Variants in EGFLAM observed in about 807,000 individuals in gnomAD.
The protein encoded by EGFLAM is pikachurin.
EGFLAM carries 79 observed loss-of-function variants against 113.1 expected under a neutral mutation model. That is an observed-to-expected ratio of 0.70 (90% CI 0.58 to 0.84). The LOEUF is 0.84. EGFLAM is among the 40% of genes least tolerant of loss of function. The pLI, the probability that EGFLAM is intolerant of heterozygous loss-of-function variation, is 0.00. For missense variants in EGFLAM, 1,265 were observed against 1,291.6 expected (o/e 0.98, Z 0.32); for synonymous variants, 504 against 487.6 (o/e 1.03, Z -0.44).
intron 2 of EGFLAM, among the ~76,000 whole-genome samples, chr5:38,338,084 C>T (rs1381875623): frequency 3.3e-5 from 5 of 152,136 alleles, no homozygotes; most frequent in South Asian, 4.1e-4. Flanking sequence ...ATCATTTCAC[C>T]AAAATGTTTT....
At chr5:38,299,641 A>G (rs1463749388) in intron 1 of EGFLAM, among the ~76,000 whole-genome samples, 2 of 152,044 alleles carry the variant, frequency 1.3e-5, no homozygotes, top group African/African-American at 2.4e-5. Context: ...GGGTTTTGAG[A>G]TGGTATTAAA....
intron 14 of EGFLAM, chr5:38,430,027 TC>T: frequency 4.5e-6 from 1 of 223,054 alleles, no homozygotes; most frequent in South Asian, 7.6e-5. Context: ...AACAGTTTTG[TC>T]CAAGGGGATA....
At chr5:38,315,609 A>T (rs958159615) in intron 1 of EGFLAM, among the ~76,000 whole-genome samples, 20 of 152,180 alleles carry the variant, frequency 1.3e-4, no homozygotes, top group Admixed American at 1.3e-3. Context: ...CTCCCCAACA[A>T]GAGAGAGCAC....
intron 1 of EGFLAM, among the ~76,000 whole-genome samples, chr5:38,303,020 C>G (rs1758633811): frequency 6.6e-6 from 1 of 152,150 alleles, no homozygotes; most frequent in Non-Finnish European, 1.5e-5. Flanking sequence ...GTTTGTGCAG[C>G]TGCTTGTGAG....
At position 38,412,634 on chromosome 5, in the gene EGFLAM, A is replaced by T; in HGVS notation, c.1480A>T (p.Thr494Ser). 1 of 1,614,082 alleles carries T rather than the reference A, an allele frequency of 6.2e-7. No individual in the cohort carries two copies. The highest frequency in any genetic ancestry group is 8.5e-7 in the Non-Finnish European group (1 of 1,180,020). ...GCAGCTGAACAATGGCACCCCAGTG[A>T]CAGGCCAGTCTCAGGTATGTATGAG... ...LLQLNNGTPVTGQSQGQYSKI... is the reference protein window; with the variant it reads ...LLQLNNGTPVSGQSQGQYSKI... Residue 494 changes from threonine (T) to serine (S), a missense_variant, in exon 11 of 22, where the codon ACA becomes TCA. Transcript: ENST00000322350.
intron 1 of EGFLAM, among the ~76,000 whole-genome samples, chr5:38,284,558 C>T (rs1445609473): frequency 6.6e-6 from 1 of 152,180 alleles, no homozygotes; most frequent in Non-Finnish European, 1.5e-5. Flanking sequence ...AAACCCAAGC[C>T]TTCAGATAGG....
At chr5:38,323,323 C>T (rs1047177012) in intron 1 of EGFLAM, among the ~76,000 whole-genome samples, 3 of 152,164 alleles carry the variant, frequency 2.0e-5, no homozygotes, top group Non-Finnish European at 4.4e-5. Context: ...CCTAATTATT[C>T]AGAAGTTTCT....
chr5:38,418,383 A>G (rs1741722457), intron 12 of EGFLAM, 128 bp downstream of exon 12: 6 of 1,215,104 alleles, frequency 4.9e-6, no homozygotes, highest in Non-Finnish European at 6.8e-6. Flanking sequence ...TACCTTCAGA[A>G]CATCAGGAGG....
chr5:38,394,711 CTTTTTTTT>C (rs11451294), intron 6 of EGFLAM, among the ~76,000 whole-genome samples: 1,469 of 121,704 alleles, frequency 0.012, 41 homozygotes, highest in African/African-American at 0.045. Flanking sequence ...GCCGGGCCCA[CTTTTTTTT>C]TTTTTTTTTT....
intron 14 of EGFLAM, among the ~76,000 whole-genome samples, chr5:38,429,337 G>C (rs1295391720): frequency 6.6e-6 from 1 of 152,194 alleles, no homozygotes; most frequent in Admixed American, 6.5e-5. Context: ...TAGCCAAGGT[G>C]ATTAAATTCT....
intron 4 of EGFLAM, among the ~76,000 whole-genome samples, chr5:38,351,504 C>T (rs1312166729): frequency 6.6e-6 from 1 of 152,144 alleles, no homozygotes; most frequent in African/African-American, 2.4e-5. Flanking sequence ...AAAGTCCTAC[C>T]TTTGGCCCGA....
chr5:38,367,097 C>G (rs980098087), intron 5 of EGFLAM, among the ~76,000 whole-genome samples: 1 of 152,144 alleles, frequency 6.6e-6, no homozygotes. Flanking sequence ...TATCTCACTA[C>G]TTGGCAAAAT....
In EGFLAM at chr5:38,424,959, G is replaced by T; in HGVS notation, c.1685-8G>T. On this transcript the variant is annotated splice_polypyrimidine_tract_variant and splice_region_variant and intron_variant, in intron 12 of 21. Coordinates refer to ENST00000322350, the MANE Select transcript of EGFLAM (RefSeq NM_152403.4). ...GGATTGGCTTTGTAATTCCCATTCTGTATTTAGGGGAATGCAGCAGTGGAA... is the reference window on the plus strand; with the variant it reads ...GGATTGGCTTTGTAATTCCCATTCTTTATTTAGGGGAATGCAGCAGTGGAA... The T allele has an allele frequency of 1.2e-6, 2 of 1,613,326 alleles. No individual in the cohort carries two copies. The highest frequency in any genetic ancestry group is 1.7e-6 in the Non-Finnish European group (2 of 1,179,518).
chr5:38,421,997 T>C (rs932149043), intron 12 of EGFLAM, among the ~76,000 whole-genome samples: 4 of 152,098 alleles, frequency 2.6e-5, no homozygotes, highest in African/African-American at 4.8e-5. Flanking sequence ...AATAACGGTG[T>C]GATCCAGGTG....
chr5:38,330,914 C>A (rs17423846), intron 1 of EGFLAM, among the ~76,000 whole-genome samples: 1 of 151,892 alleles, frequency 6.6e-6, no homozygotes, highest in Non-Finnish European at 1.5e-5. Context: ...ATAAAACTAC[C>A]TAGAGAAAAT....
intron 11 of EGFLAM, 50 bp downstream of exon 11, chr5:38,412,698 G>A: frequency 6.3e-7 from 1 of 1,596,074 alleles, no homozygotes; most frequent in Non-Finnish European, 8.5e-7. Flanking sequence ...CCCACCATAA[G>A]TCTCCTGAGA....
At chr5:38,335,195 GTAAAAATGAAAATGTA>G (rs2111938433) in intron 1 of EGFLAM, among the ~76,000 whole-genome samples, 1 of 152,290 alleles carries the variant, frequency 6.6e-6, no homozygotes, top group East Asian at 1.9e-4. Flanking sequence ...GTCATCAGTA[GTAAAAATGAAAATGTA>G]TGTACTCGAT....
chr5:38,386,272 C>T (rs991211577), intron 6 of EGFLAM, among the ~76,000 whole-genome samples: 1 of 152,204 alleles, frequency 6.6e-6, no homozygotes, highest in African/African-American at 2.4e-5. Flanking sequence ...TCTTGGCTCA[C>T]TGCAACCTCC....
At chr5:38,461,533 G>T (rs1743273119) in intron 20 of EGFLAM, among the ~76,000 whole-genome samples, 1 of 151,694 alleles carries the variant, frequency 6.6e-6, no homozygotes, top group Admixed American at 6.6e-5. Context: ...TTTAAAGGCA[G>T]GGCAAGCAAG....
Sources: gnomAD v4.1 joint callset for allele counts (sites outside exome capture counted in the v4.1 genomes callset) on GRCh38, gnomAD v4.1.1 for gene constraint, MANE v1.5 for transcripts, NCBI Gene and HGNC (gene_info 2026-07-23, HGNC 2026-07-21) for gene names.